The following BRINP3 variants were observed in gnomAD, a reference collection of about 807,000 sequenced individuals.
BRINP3 encodes the protein BMP/retinoic acid-inducible neural-specific protein 3.
Under a neutral mutation model 71.0 loss-of-function variants are expected in BRINP3, and 19 were observed. The ratio of observed to expected loss-of-function variants is 0.27; its 90% confidence interval spans 0.19 to 0.39. The LOEUF (loss-of-function observed/expected upper bound fraction) is 0.39. Ranked by LOEUF, BRINP3 falls within the 10% of genes least tolerant of loss-of-function variation. The pLI is 1.00. For missense variants in BRINP3, 959 were observed against 940.8 expected (o/e 1.02, Z -0.25); for synonymous variants, 380 against 337.7 (o/e 1.13, Z -1.37).
At chr1:190,141,555 C>CTTTTTT (rs35090212) in intron 7 of BRINP3, among the ~76,000 whole-genome samples, 148 of 82,390 alleles carry the variant, frequency 1.8e-3, no homozygotes, top group Non-Finnish European at 2.3e-3. Context: ...TCTTTCTTTC[C>CTTTTTT]TTTTTTTTTT....
In BRINP3 at chr1:190,219,053, T is replaced by C. The variant is rs115054040; in HGVS notation, c.961+7029A>G. Among the ~76,000 whole-genome samples, 374 of 152,058 alleles carry C rather than the reference T, an allele frequency of 2.5e-3. 1 individual carries two copies. The highest frequency in any genetic ancestry group is 8.8e-3 in the African/African-American group (363 of 41,484). On this transcript the variant is annotated intron_variant, in intron 6 of 7. Transcript: ENST00000367462. ...TCATTATTTACAACGGCAATGCAAA[T>C]AGGGGATTCAGGCACAACTAAGAGC...
intron 1 of BRINP3, among the ~76,000 whole-genome samples, chr1:190,460,091 C>T (rs1343594702): frequency 1.3e-5 from 2 of 151,874 alleles, no homozygotes; most frequent in African/African-American, 4.8e-5. Flanking sequence ...AGTTTCTTAA[C>T]ATTAATGCTT....
chr1:190,250,047 C>A (rs981181930), intron 4 of BRINP3, among the ~76,000 whole-genome samples: 6 of 151,710 alleles, frequency 4.0e-5, no homozygotes, highest in East Asian at 3.9e-4. Flanking sequence ...CATTTCAGGG[C>A]AGAAATGTTA....
chr1:190,222,009 T>C (rs1656935242), intron 6 of BRINP3, among the ~76,000 whole-genome samples: 1 of 151,758 alleles, frequency 6.6e-6, no homozygotes, highest in African/African-American at 2.4e-5. Context: ...GAACATATCA[T>C]CCAGACAGAA....
At chr1:190,345,754 G>A (rs1667982194) in intron 2 of BRINP3, among the ~76,000 whole-genome samples, 2 of 149,250 alleles carry the variant, frequency 1.3e-5, no homozygotes, top group African/African-American at 4.9e-5. Flanking sequence ...AAAATAGGTG[G>A]AACTCCTTAT....
At chr1:190,329,953 G>A (rs1268172097) in intron 2 of BRINP3, among the ~76,000 whole-genome samples, 1 of 151,400 alleles carries the variant, frequency 6.6e-6, no homozygotes, top group East Asian at 1.9e-4. Flanking sequence ...AATGAAACTG[G>A]ACCCATACCA....
intron 6 of BRINP3, among the ~76,000 whole-genome samples, chr1:190,162,281 C>T (rs1034267756): frequency 6.6e-6 from 1 of 150,966 alleles, no homozygotes; most frequent in African/African-American, 2.4e-5. Context: ...ACCTCCACAT[C>T]CAAGCAATTC....
At chr1:190,392,696 T>C (rs943585173) in intron 2 of BRINP3, among the ~76,000 whole-genome samples, 3 of 151,682 alleles carry the variant, frequency 2.0e-5, no homozygotes, top group Admixed American at 1.3e-4. Flanking sequence ...AAGGTAAGGA[T>C]GAAAAATTTA....
intron 5 of BRINP3, among the ~76,000 whole-genome samples, chr1:190,230,347 C>T (rs1190874095): frequency 6.6e-6 from 1 of 151,788 alleles, no homozygotes; most frequent in Non-Finnish European, 1.5e-5. Context: ...AGACAAATAG[C>T]TAAGTAAAAA....
chr1:190,114,367 A>G (rs10920558), intron 7 of BRINP3, among the ~76,000 whole-genome samples: 7,989 of 152,172 alleles, frequency 0.052, 709 homozygotes, highest in African/African-American at 0.18. Flanking sequence ...GGTATTTATA[A>G]TAATGCAAGA....
At chr1:190,151,155 A>AT (rs1215730168) in intron 7 of BRINP3, among the ~76,000 whole-genome samples, 11 of 152,184 alleles carry the variant, frequency 7.2e-5, no homozygotes, top group Admixed American at 2.6e-4. Context: ...TCAAAAAAAA[A>AT]GAAAAAAGAA....
Position 190,203,423 on chromosome 1 carries a change from A to G in BRINP3, c.961+22659T>C, listed in dbSNP as rs575223456. ...AATATATATATGTATGTGTGTGTGTATATATATATATATATGTATGTGTGT... is the reference window on the plus strand; with the variant it reads ...AATATATATATGTATGTGTGTGTGTGTATATATATATATATGTATGTGTGT... On this transcript the variant is annotated intron_variant, in intron 6 of 7. Coordinates refer to ENST00000367462, the MANE Select transcript of BRINP3 (RefSeq NM_199051.3). Among the ~76,000 whole-genome samples, 326 of 142,166 alleles carry G rather than the reference A, an allele frequency of 2.3e-3. 2 individuals are homozygous for G. Among genetic ancestry groups the G allele is most frequent in the South Asian group, 5.2e-3 (22 of 4,196 alleles). The allele number at this position is 142,166 out of a possible 152,430, so 93.3% of individuals were successfully genotyped here.
At chr1:190,373,315 A>G (rs1046924638) in intron 2 of BRINP3, among the ~76,000 whole-genome samples, 4 of 151,854 alleles carry the variant, frequency 2.6e-5, no homozygotes, top group African/African-American at 9.7e-5. Flanking sequence ...TCTTGAACCC[A>G]GGAGGCGAAG....
intron 4 of BRINP3, among the ~76,000 whole-genome samples, chr1:190,239,586 A>C (rs1658858954): frequency 6.6e-6 from 1 of 152,086 alleles, no homozygotes; most frequent in African/African-American, 2.4e-5. Context: ...TGGTTGCTGA[A>C]ATGTTTTCAA....
At chr1:190,463,615 A>AT (rs1459122323) in intron 1 of BRINP3, among the ~76,000 whole-genome samples, 1 of 151,828 alleles carries the variant, frequency 6.6e-6, no homozygotes, top group Non-Finnish European at 1.5e-5. Flanking sequence ...AAAAACACAG[A>AT]TTTTCATTTT....
rs1021789473 is a variant in BRINP3, at chr1:190,277,894, T to C, written c.427+3666A>G. Among the ~76,000 whole-genome samples the C allele has an allele frequency of 1.4e-4, 21 of 151,744 alleles. 1 individual carries two copies. Among genetic ancestry groups the C allele is most frequent in the African/African-American group, 5.1e-4 (21 of 41,396 alleles). On this transcript the variant is annotated intron_variant, in intron 3 of 7. Transcript: ENST00000367462. ...CCAAAATAGAAGCAAACTGAATTACTATATCGATAAACAGTCTGGTAGCTA... is the reference window on the plus strand; with the variant it reads ...CCAAAATAGAAGCAAACTGAATTACCATATCGATAAACAGTCTGGTAGCTA...
chr1:190,160,464 C>G (rs932534644), intron 7 of BRINP3, among the ~76,000 whole-genome samples: 5 of 151,846 alleles, frequency 3.3e-5, no homozygotes, highest in Non-Finnish European at 7.4e-5. Context: ...GAAATAAGTG[C>G]TAGTATATAT....
intron 1 of BRINP3, among the ~76,000 whole-genome samples, chr1:190,463,435 A>T (rs985732994): frequency 9.3e-5 from 14 of 150,264 alleles, no homozygotes; most frequent in Non-Finnish European, 1.3e-4. Context: ...AACTACAACT[A>T]AAAAAAAAGG....
intron 7 of BRINP3, among the ~76,000 whole-genome samples, chr1:190,146,332 T>C (rs374239878): frequency 8.5e-5 from 13 of 152,220 alleles, no homozygotes; most frequent in African/African-American, 2.6e-4. Flanking sequence ...TTAAAAGGAG[T>C]GTCTTGGTAT....
Sources: allele counts gnomAD v4.1 joint callset (sites outside exome capture counted in the v4.1 genomes callset), GRCh38; gene constraint gnomAD v4.1.1; transcripts MANE v1.5; gene names NCBI Gene and HGNC (gene_info 2026-07-23, HGNC 2026-07-21).